PCDHGA5: variants seen among roughly 807,000 people sequenced by gnomAD.
PCDHGA5 encodes the protein protocadherin gamma subfamily A, 5, also known as protocadherin gamma-A5.
In PCDHGA5, 36 loss-of-function variants were observed where a neutral mutation model predicts 56.7. The ratio of observed to expected loss-of-function variants is 0.64; its 90% CI spans 0.49 to 0.84. The LOEUF (loss-of-function observed/expected upper bound fraction) is 0.84. Ranked by LOEUF, PCDHGA5 falls within the 40% of genes least tolerant of loss-of-function variation. The pLI, the probability that PCDHGA5 is intolerant of heterozygous loss-of-function variation, is 0.00. For synonymous variants in PCDHGA5, 563 were observed against 520.2 expected, an observed-to-expected ratio of 1.08 and a Z score of -1.12; for missense variants, 1,305 against 1,201.5, an observed-to-expected ratio of 1.09 and a Z score of -1.27.
intron 1 of PCDHGA5, chr5:141,384,536 T>A (rs751421323): frequency 2.5e-6 from 4 of 1,614,086 alleles, no homozygotes; most frequent in Admixed American, 1.7e-5. Flanking sequence ...AGCAGCAACA[T>A]GTCACTGAGC....
At chr5:141,372,897 C>A in intron 1 of PCDHGA5, 1 of 1,104,764 alleles carries the variant, frequency 9.1e-7, no homozygotes, top group Non-Finnish European at 1.3e-6. Flanking sequence ...ATTAAATATT[C>A]CCTGATTACA....
Position 141,431,132 on chromosome 5 carries a change from G to A in PCDHGA5, c.2422-63675G>A. On this transcript the variant is annotated intron_variant, in intron 1 of 3. Coordinates refer to ENST00000518069, the MANE Select transcript of PCDHGA5 (RefSeq NM_018918.3). This position sits in a 1 kb window ranked among gnomAD's most constrained non-coding sequence, Gnocchi z 4.8. ...ATATGGAGTAGAAGTAGAAGTAAGGGACATTAACGACAATGCGCCTTACTT... is the reference window on the plus strand; with the variant it reads ...ATATGGAGTAGAAGTAGAAGTAAGGAACATTAACGACAATGCGCCTTACTT... 2 of 1,614,232 alleles carry A rather than the reference G, an allele frequency of 1.2e-6. No individual in the cohort carries two copies. The highest frequency in any genetic ancestry group is 8.5e-7 in the Non-Finnish European group (1 of 1,180,024).
In PCDHGA5 at chr5:141,433,056, G is replaced by T. The variant is rs1422450948; in HGVS notation, c.2422-61751G>T. ...TCCCTCACCACGGACTCGCGGAAGA[G>T]TCACCTGATCTTCCCCCAGCCCAAC... On this transcript the variant is annotated intron_variant, in intron 1 of 3. Coordinates refer to ENST00000518069, the MANE Select transcript of PCDHGA5 (RefSeq NM_018918.3). The T allele has an allele frequency of 6.8e-6, 11 of 1,614,086 alleles. No homozygotes were observed. In the South Asian group the frequency reaches 1.1e-4, roughly 16 times the overall value.
At chr5:141,392,979 C>T (rs1356713892) in intron 1 of PCDHGA5, 4 of 1,613,718 alleles carry the variant, frequency 2.5e-6, no homozygotes, top group Admixed American at 1.7e-5. Context: ...GGGGCTGGAC[C>T]CCCGGAAGCT....
chr5:141,364,359 G>A lies in PCDHGA5; in HGVS notation c.29G>A (p.Cys10Tyr). Residue 10 changes from cysteine to tyrosine, a missense_variant, in exon 1 of 4, where the codon TGC (cysteine) becomes TAC (tyrosine). Coordinates refer to ENST00000518069, the MANE Select transcript of PCDHGA5 (RefSeq NM_018918.3). Reference sequence around the variant, plus strand: ...GCGAGTCCACCTAGGGGCTGGGGCTGCGGAGAGCTGCTGCTGCCCTTCATG... The same window carrying A: ...GCGAGTCCACCTAGGGGCTGGGGCTACGGAGAGCTGCTGCTGCCCTTCATG... Reference protein sequence around the residue: MASPPRGWGCGELLLPFMLL... With the variant: MASPPRGWGYGELLLPFMLL... 6.4e-7 allele frequency: 1 copy of A among 1,558,664 alleles called. No individual in the cohort carries two copies. Among genetic ancestry groups the A allele is most frequent in the Non-Finnish European group, 8.7e-7 (1 of 1,154,848 alleles).
intron 1 of PCDHGA5, among the ~76,000 whole-genome samples, chr5:141,458,557 G>A (rs1258900717): frequency 6.9e-6 from 1 of 143,954 alleles, no homozygotes; most frequent in Non-Finnish European, 1.5e-5. Context: ...TGTTTGTTTT[G>A]GTTTTGGGTT....
rs1246552960 is a variant in PCDHGA5 at position 141,365,768 on chromosome 5, G to A, written c.1438G>A (p.Asp480Asn). Residue 480 changes from aspartate (D) to asparagine (N), a missense_variant, in exon 1 of 4, where the codon GAC becomes AAC. Transcript: ENST00000518069. Reference sequence around the variant, plus strand: ...CTTCTCTGTGACAGCCCATGACCCCGACAGCGGCGACAACGCTCGAGTCAC... The same window carrying A: ...CTTCTCTGTGACAGCCCATGACCCCAACAGCGGCGACAACGCTCGAGTCAC... Reference protein sequence around the residue: ...SIFSVTAHDPDSGDNARVTYS... With the variant: ...SIFSVTAHDPNSGDNARVTYS... The A allele has an allele frequency of 1.2e-6, 2 of 1,613,812 alleles. No individual in the cohort carries two copies. The highest frequency in any genetic ancestry group is 1.3e-5 in the African/African-American group (1 of 75,010).
intron 1 of PCDHGA5, chr5:141,422,139 A>G (rs2096627272): frequency 6.3e-7 from 1 of 1,588,154 alleles, no homozygotes. Context: ...AAGTTCAAGT[A>G]CGGGGGTCTC....
Position 141,428,071 on chromosome 5 carries a change from C to T in PCDHGA5, c.2421+61320C>T, listed in dbSNP as rs968712502. ...AAGGTGGTGGCGGTGGACGCAGATTCGGGACACAACGCTTGGCTGTCCTAC... is the reference window on the plus strand; with the variant it reads ...AAGGTGGTGGCGGTGGACGCAGATTTGGGACACAACGCTTGGCTGTCCTAC... On this transcript the variant is annotated intron_variant, in intron 1 of 3. Transcript: ENST00000518069. The T allele has an allele frequency of 5.6e-6, 9 of 1,609,140 alleles. No homozygotes were observed. In the Middle Eastern group the frequency reaches 1.0e-3, roughly 184 times the overall value.
rs368718827 is a variant in PCDHGA5, at chr5:141,410,231, G to A, written c.2421+43480G>A. On this transcript the variant is annotated intron_variant, in intron 1 of 3. Transcript: ENST00000518069. ...GCAAGAGATACTGCCAGACCTCAGC[G>A]ACCGCCCTGTACTCTCTGACCCCCA... 8.7e-6 allele frequency: 14 copies of A among 1,613,888 alleles called. No homozygotes were observed. The highest frequency in any genetic ancestry group is 1.6e-4 in the Middle Eastern group (1 of 6,084).
intron 1 of PCDHGA5, among the ~76,000 whole-genome samples, chr5:141,435,698 A>G (rs954167256): frequency 1.3e-5 from 2 of 152,184 alleles, no homozygotes; most frequent in African/African-American, 4.8e-5. Context: ...CTTATTGTAG[A>G]GTGGTTACAG....
chr5:141,375,719 G>A (rs1478749716), intron 1 of PCDHGA5: 2 of 1,614,142 alleles, frequency 1.2e-6, no homozygotes, highest in South Asian at 2.2e-5. Flanking sequence ...TAGCAGCAAC[G>A]TGTCACTGAG....
chr5:141,384,576 G>GCCCGAGAT (rs1429173266), intron 1 of PCDHGA5: 3 of 1,614,060 alleles, frequency 1.9e-6, no homozygotes, highest in Non-Finnish European at 2.5e-6. Context: ...ATGACAACCC[G>GCCCGAGAT]CCCGAGATCC....
intron 1 of PCDHGA5, chr5:141,400,037 G>T (rs778871485): frequency 3.1e-6 from 5 of 1,613,132 alleles, no homozygotes; most frequent in Admixed American, 1.7e-5. Flanking sequence ...GCCCGCCAGC[G>T]CCTGCTGGTT....
Position 141,477,849 on chromosome 5 carries a change from A to G in PCDHGA5, c.2422-16958A>G. ...CCTCGGCCAGGTGGGAGCTCGGTGGAGATGCTGCCTCGAGGTACCTCAGCT... is the reference window on the plus strand; with the variant it reads ...CCTCGGCCAGGTGGGAGCTCGGTGGGGATGCTGCCTCGAGGTACCTCAGCT... On this transcript the variant is annotated intron_variant, in intron 1 of 3. Transcript: ENST00000518069. This position sits in a 1 kb window ranked among gnomAD's most constrained non-coding sequence, Gnocchi z 4.9. The G allele has an allele frequency of 6.8e-6, 11 of 1,612,812 alleles. No individual in the cohort carries two copies. Among genetic ancestry groups the G allele is most frequent in the Non-Finnish European group, 8.5e-6 (10 of 1,179,548 alleles).
intron 1 of PCDHGA5, chr5:141,422,639 C>T (rs777330051): frequency 3.7e-6 from 6 of 1,612,780 alleles, no homozygotes; most frequent in South Asian, 2.2e-5. Flanking sequence ...AGGGGTGCCT[C>T]CATCTTCTCA....
At chr5:141,415,895 G>A in intron 1 of PCDHGA5, 1 of 898,210 alleles carries the variant, frequency 1.1e-6, no homozygotes, top group Non-Finnish European at 1.5e-6. Flanking sequence ...CAATTCCTAA[G>A]ACAGACTTCC....
intron 1 of PCDHGA5, chr5:141,417,903 A>G (rs2096184376): frequency 1.3e-6 from 2 of 1,590,930 alleles, no homozygotes; most frequent in Non-Finnish European, 8.6e-7. Flanking sequence ...GGCCCGCGGC[A>G]GGTACTATTT....
intron 2 of PCDHGA5, among the ~76,000 whole-genome samples, chr5:141,503,886 T>G (rs150106838): frequency 8.2e-4 from 125 of 152,290 alleles, no homozygotes; most frequent in African/African-American, 2.9e-3. Flanking sequence ...TCACCCACCA[T>G]GACAAAATAT....
Sources: allele counts gnomAD v4.1 joint callset (sites outside exome capture counted in the v4.1 genomes callset), GRCh38; gene constraint gnomAD v4.1.1; non-coding constraint Gnocchi (gnomAD v3.1); transcripts MANE v1.5; gene names NCBI Gene and HGNC (gene_info 2026-07-23, HGNC 2026-07-21).